The following TRIO variants were observed in gnomAD, a reference collection of about 807,000 sequenced individuals.
The protein encoded by TRIO is trio Rho guanine nucleotide exchange factor, also known as triple functional domain protein.
Under a neutral mutation model 351.9 loss-of-function variants are expected in TRIO, and 58 were observed. That is an observed-to-expected ratio of 0.16 (90% CI 0.13 to 0.21). The LOEUF is 0.21. TRIO is among the 10% of genes least tolerant of loss of function. The pLI is 1.00. For missense variants in TRIO, 3,201 were observed against 4,027.8 expected (o/e 0.79, Z 5.56); for synonymous variants, 1,758 against 1,595.7 (o/e 1.10, Z -2.42).
At chr5:14,163,680 T>C (rs147513863) in intron 1 of TRIO, among the ~76,000 whole-genome samples, 301 of 152,354 alleles carry the variant, frequency 2.0e-3, no homozygotes, top group African/African-American at 6.8e-3. Flanking sequence ...ATGCACATTG[T>C]TGTAGATGAC....
At chr5:14,396,295 C>T (rs772881404) in intron 28 of TRIO, among the ~76,000 whole-genome samples, 80 of 151,800 alleles carry the variant, frequency 5.3e-4, no homozygotes, top group Non-Finnish European at 1.0e-3. Context: ...TTGGCTGGTC[C>T]GGTTTAGATG....
At chr5:14,444,303 A>G (rs924445171) in intron 34 of TRIO, among the ~76,000 whole-genome samples, 3 of 152,258 alleles carry the variant, frequency 2.0e-5, no homozygotes, top group African/African-American at 4.8e-5. Context: ...TCAGTTTCAC[A>G]TGAATAAACA....
At chr5:14,422,681 A>T (rs1423801492) in intron 34 of TRIO, among the ~76,000 whole-genome samples, 1 of 152,224 alleles carries the variant, frequency 6.6e-6, no homozygotes, top group Non-Finnish European at 1.5e-5. Flanking sequence ...GATTTCTTTT[A>T]TCGGCTATAT....
chr5:14,173,998 G>A (rs893924458), intron 1 of TRIO, among the ~76,000 whole-genome samples: 1 of 152,240 alleles, frequency 6.6e-6, no homozygotes. Context: ...GTCCATTTAT[G>A]CAAGGCTGTT....
At chr5:14,350,472 C>T (rs1409536737) in intron 11 of TRIO, among the ~76,000 whole-genome samples, 1 of 152,130 alleles carries the variant, frequency 6.6e-6, no homozygotes, top group Non-Finnish European at 1.5e-5. Flanking sequence ...AGTTTAAGTC[C>T]ATGGTGTTCC....
chr5:14,257,364 AAGAT>A (rs1174706574), intron 1 of TRIO, among the ~76,000 whole-genome samples: 1 of 152,272 alleles, frequency 6.6e-6, no homozygotes, highest in Non-Finnish European at 1.5e-5. Flanking sequence ...AAGATGCAGA[AAGAT>A]AGACAGGTTA....
chr5:14,149,800 A>G (rs925681556), intron 1 of TRIO, among the ~76,000 whole-genome samples: 5 of 152,206 alleles, frequency 3.3e-5, no homozygotes, highest in Admixed American at 2.6e-4. Flanking sequence ...GTCATCAATG[A>G]GTGCATTTTA....
At position 14,380,283 on chromosome 5, in the gene TRIO, C is replaced by T. The variant is rs189147560; in HGVS notation, c.3448-847C>T. Among the ~76,000 whole-genome samples, 1,158 of 117,162 alleles carry T rather than the reference C, an allele frequency of 9.9e-3. 15 individuals are homozygous for T. Among genetic ancestry groups the T allele is most frequent in the African/African-American group, 0.056 (1,101 of 19,496 alleles). The allele number at this position is 117,162 out of a possible 152,430, so 76.9% of individuals were successfully genotyped here. On this transcript the variant is annotated intron_variant, in intron 20 of 56. Transcript: ENST00000344204. ...TCCCGGCGCCCCGCCTCCTCCTTCG[C>T]GCCCCGCCTCCTCCTTCGCGCCCCG... is the stretch of plus-strand genomic sequence containing the variant.
At chr5:14,274,308 G>C (rs1735309030) in intron 2 of TRIO, among the ~76,000 whole-genome samples, 1 of 150,920 alleles carries the variant, frequency 6.6e-6, no homozygotes. Flanking sequence ...TGTATCACTG[G>C]GTGGTTTAAC....
chr5:14,306,549 C>T (rs1298280938), intron 8 of TRIO, among the ~76,000 whole-genome samples: 2 of 152,218 alleles, frequency 1.3e-5, no homozygotes, highest in Non-Finnish European at 2.9e-5. Context: ...CACTCATCTG[C>T]TTATATGAAT....
intron 1 of TRIO, among the ~76,000 whole-genome samples, chr5:14,208,803 TCA>T (rs2152188780): frequency 6.6e-6 from 1 of 152,358 alleles, no homozygotes; most frequent in African/African-American, 2.4e-5. Context: ...TTTCTGTACC[TCA>T]CTTCTATTTT....
chr5:14,253,277 C>T (rs181269577), intron 1 of TRIO, among the ~76,000 whole-genome samples: 27 of 152,364 alleles, frequency 1.8e-4, no homozygotes, highest in African/African-American at 6.3e-4. Context: ...TCACTGCATA[C>T]ATACTTTACT....
At position 14,389,286 on chromosome 5, in the gene TRIO, T is replaced by C. The variant is rs758867765; in HGVS notation, c.3949-3T>C. 51 of 1,603,326 alleles carry C rather than the reference T, an allele frequency of 3.2e-5. No homozygotes were observed. The highest frequency in any genetic ancestry group is 4.0e-5 in the Non-Finnish European group (47 of 1,176,386). On this transcript the variant is annotated splice_region_variant and splice_polypyrimidine_tract_variant and intron_variant, in intron 24 of 56. Coordinates refer to ENST00000344204, the MANE Select transcript of TRIO (RefSeq NM_007118.4). The stretch of plus-strand genomic sequence containing the variant: ...GTCTAATCCCTGTTTCCCTCTCGGC[T>C]AGACGTACCTGTGGGAAATGACCAG...
At chr5:14,204,940 C>T (rs1791363830) in intron 1 of TRIO, among the ~76,000 whole-genome samples, 1 of 152,160 alleles carries the variant, frequency 6.6e-6, no homozygotes, top group Admixed American at 6.5e-5. Context: ...TAATATTAGT[C>T]AGGGGTGTTT....
intron 1 of TRIO, among the ~76,000 whole-genome samples, chr5:14,176,951 T>C (rs1217884183): frequency 6.6e-6 from 1 of 152,240 alleles, no homozygotes; most frequent in Non-Finnish European, 1.5e-5. Context: ...TTATAATAGA[T>C]TCATTTTAGA....
intron 36 of TRIO, among the ~76,000 whole-genome samples, chr5:14,464,752 G>T (rs908116047): frequency 6.6e-6 from 1 of 152,156 alleles, no homozygotes; most frequent in Non-Finnish European, 1.5e-5. Flanking sequence ...ATGCCTCGCC[G>T]CTGTCCTTAA....
chr5:14,269,283 G>T (rs997922501), intron 1 of TRIO, among the ~76,000 whole-genome samples: 1 of 152,216 alleles, frequency 6.6e-6, no homozygotes, highest in African/African-American at 2.4e-5. Context: ...TTTACATTAA[G>T]AAATCAGATC....
In TRIO at chr5:14,453,909, G is replaced by A. The variant is rs141845647; in HGVS notation, c.5204-7110G>A. 5.6e-3 allele frequency among the ~76,000 whole-genome samples: 850 copies of A among 152,168 alleles called. 9 individuals are homozygous for A. The highest frequency in any genetic ancestry group is 0.02 in the African/African-American group (816 of 41,508). On this transcript the variant is annotated intron_variant, in intron 34 of 56. Transcript: ENST00000344204. The stretch of plus-strand genomic sequence containing the variant: ...AGGAGTTGAGGGAAAGGCAAGAGAT[G>A]AGTAACTATTTCTTTGCATAATAGA...
chr5:14,447,080 A>C (rs373442166), intron 34 of TRIO, among the ~76,000 whole-genome samples: 1 of 152,264 alleles, frequency 6.6e-6, no homozygotes, highest in African/African-American at 2.4e-5. Flanking sequence ...AAATACAAAA[A>C]TATTAGTCGG....
Sources: gnomAD v4.1 joint callset for allele counts (sites outside exome capture counted in the v4.1 genomes callset) on GRCh38, gnomAD v4.1.1 for gene constraint, MANE v1.5 for transcripts, NCBI Gene and HGNC (gene_info 2026-07-23, HGNC 2026-07-21) for gene names.